Variants in FCHSD2 observed in about 807,000 individuals in gnomAD.
FCHSD2 encodes FCH and double SH3 domains 2.
Under a neutral mutation model 108.1 loss-of-function variants are expected in FCHSD2, and 38 were observed. The ratio of observed to expected loss-of-function variants is 0.35; its 90% CI spans 0.27 to 0.46. The LOEUF (loss-of-function observed/expected upper bound fraction) is 0.46. Among genes scored for constraint, FCHSD2 ranks in the 20% least tolerant of loss-of-function variants. The pLI is 1.00. For synonymous variants in FCHSD2, 279 were observed against 314.7 expected, an observed-to-expected ratio of 0.89 and a Z score of 1.20; for missense variants, 751 against 897.8, an observed-to-expected ratio of 0.84 and a Z score of 2.09.
At chr11:73,051,016 G>C (rs1425778064) in intron 3 of FCHSD2, among the ~76,000 whole-genome samples, 3 of 152,086 alleles carry the variant, frequency 2.0e-5, no homozygotes, top group African/African-American at 7.2e-5. Flanking sequence ...ATCTATAATG[G>C]AAATATTTTA....
chr11:72,857,999 T>A (rs1373510066), intron 13 of FCHSD2, among the ~76,000 whole-genome samples: 1 of 152,210 alleles, frequency 6.6e-6, no homozygotes, highest in Non-Finnish European at 1.5e-5. Context: ...ATGAAGACAG[T>A]TACTTCTTCA....
intron 2 of FCHSD2, among the ~76,000 whole-genome samples, chr11:73,102,336 C>G (rs1311894498): frequency 6.6e-6 from 1 of 152,150 alleles, no homozygotes; most frequent in Non-Finnish European, 1.5e-5. Flanking sequence ...TTAAATTTAA[C>G]ACACATTTGT....
At chr11:73,011,307 C>T (rs1857859152) in intron 4 of FCHSD2, among the ~76,000 whole-genome samples, 1 of 152,128 alleles carries the variant, frequency 6.6e-6, no homozygotes, top group Non-Finnish European at 1.5e-5. Context: ...TGCACTGCTG[C>T]CCTGCCACTG....
In FCHSD2 at chr11:72,890,008, T is replaced by C. The variant is rs1211960472; in HGVS notation, c.925-63A>G. 147 of 997,476 alleles carry C rather than the reference T, an allele frequency of 1.5e-4. 1 individual carries two copies. Among genetic ancestry groups the C allele is most frequent in the Non-Finnish European group, 6.2e-6 (4 of 642,654 alleles). 61.8% of individuals were successfully genotyped at this position (997,476 alleles called of 1,614,324 possible). A position where few individuals can be genotyped will look rare whatever the true frequency, so the allele number is the denominator to read the frequency against. ...ATCCTTATTGTAACCACTACTGCTT[T>C]GTAGATGGATCAGAAGGCCTTCACT... On this transcript the variant is annotated intron_variant, in intron 10 of 19. Coordinates refer to ENST00000409418, the MANE Select transcript of FCHSD2 (RefSeq NM_014824.3).
intron 8 of FCHSD2, among the ~76,000 whole-genome samples, chr11:72,934,915 A>G (rs7122570): frequency 1 from 151,779 of 152,248 alleles, 75,656 homozygotes; most frequent in Middle Eastern, 1. Flanking sequence ...TAATGACTCC[A>G]CAATATTTTT....
At chr11:73,023,895 C>T (rs940530402) in intron 3 of FCHSD2, among the ~76,000 whole-genome samples, 2 of 151,932 alleles carry the variant, frequency 1.3e-5, no homozygotes, top group Admixed American at 6.6e-5. Context: ...GTCAAAGAAG[C>T]CAAATTAAAA....
rs368911084 is a variant in FCHSD2, at chr11:73,054,381, G to GA, written c.165+29313dup. Among the ~76,000 whole-genome samples the GA allele has an allele frequency of 4.9e-3, 729 of 147,922 alleles. 4 individuals are homozygous for GA. Among genetic ancestry groups the GA allele is most frequent in the African/African-American group, 0.017 (696 of 40,368 alleles). ...ATTCCAACACGCAGACAGGGGGCTA[G>GA]AAAAAAAAAAGAAATTTAAATACCA... On this transcript the variant is annotated intron_variant, in intron 3 of 19. Coordinates refer to ENST00000409418, the MANE Select transcript of FCHSD2 (RefSeq NM_014824.3).
intron 4 of FCHSD2, among the ~76,000 whole-genome samples, chr11:73,007,220 C>T (rs1203980682): frequency 6.6e-6 from 1 of 152,154 alleles, no homozygotes; most frequent in African/African-American, 2.4e-5. Flanking sequence ...CAAAACCATT[C>T]ATCCATATAC....
At chr11:72,884,173 C>T (rs1208633370) in intron 12 of FCHSD2, among the ~76,000 whole-genome samples, 1 of 152,086 alleles carries the variant, frequency 6.6e-6, no homozygotes, top group Admixed American at 6.6e-5. Context: ...CATCTACGAA[C>T]TATTTCTGCC....
At chr11:73,052,895 G>A (rs1390104539) in intron 3 of FCHSD2, among the ~76,000 whole-genome samples, 1 of 152,088 alleles carries the variant, frequency 6.6e-6, no homozygotes, top group African/African-American at 2.4e-5. Flanking sequence ...TGCCCAGACT[G>A]GAGAGCAGTG....
intron 13 of FCHSD2, among the ~76,000 whole-genome samples, chr11:72,862,299 G>A (rs567841954): frequency 6.6e-6 from 1 of 152,242 alleles, no homozygotes; most frequent in Non-Finnish European, 1.5e-5. Flanking sequence ...AAAGGAATAA[G>A]TAAAACTGTC....
At chr11:72,997,066 C>T (rs1443999671) in intron 5 of FCHSD2, among the ~76,000 whole-genome samples, 2 of 152,052 alleles carry the variant, frequency 1.3e-5, no homozygotes, top group African/African-American at 4.8e-5. Context: ...AAAAGCAAGT[C>T]CAAAAATCTG....
At chr11:73,059,231 A>C (rs912850644) in intron 3 of FCHSD2, among the ~76,000 whole-genome samples, 1 of 152,198 alleles carries the variant, frequency 6.6e-6, no homozygotes, top group African/African-American at 2.4e-5. Context: ...CAATGGCTGA[A>C]GACTTTACAT....
intron 3 of FCHSD2, among the ~76,000 whole-genome samples, chr11:73,079,432 T>A (rs561463756): frequency 1.8e-4 from 27 of 152,130 alleles, no homozygotes; most frequent in Non-Finnish European, 2.9e-4. Context: ...ACTCCTGATG[T>A]CGTGATCCGC....
chr11:72,848,862 C>T (rs923311113), intron 14 of FCHSD2, among the ~76,000 whole-genome samples: 1 of 152,040 alleles, frequency 6.6e-6, no homozygotes. Flanking sequence ...TTTTATAATA[C>T]CCTGTAATAC....
intron 2 of FCHSD2, among the ~76,000 whole-genome samples, chr11:73,095,137 T>C (rs538266907): frequency 6.6e-6 from 1 of 152,320 alleles, no homozygotes; most frequent in East Asian, 1.9e-4. Flanking sequence ...AGAAGTGTTC[T>C]TATTTCTTAT....
intron 13 of FCHSD2, among the ~76,000 whole-genome samples, chr11:72,862,768 A>T (rs1365693179): frequency 2.0e-5 from 3 of 152,190 alleles, no homozygotes; most frequent in Non-Finnish European, 4.4e-5. Context: ...GAATACCCAA[A>T]ACAACTTTGA....
chr11:72,902,735 A>G, intron 9 of FCHSD2, 97 bp from the exon 10 acceptor site: 2 of 681,302 alleles, frequency 2.9e-6, no homozygotes, highest in South Asian at 2.2e-5. Context: ...TTCTATACAA[A>G]TGAGAAATCA....
At chr11:72,983,897 T>C in intron 8 of FCHSD2, 191 bp downstream of exon 8, 1 of 678,982 alleles carries the variant, frequency 1.5e-6, no homozygotes, top group East Asian at 2.9e-5. Context: ...CTGTAAACAT[T>C]TTCTTAACTA....
Sources: gnomAD v4.1 joint callset for allele counts (sites outside exome capture counted in the v4.1 genomes callset) on GRCh38, gnomAD v4.1.1 for gene constraint, MANE v1.5 for transcripts, NCBI Gene and HGNC (gene_info 2026-07-23, HGNC 2026-07-21) for gene names.